The following BRINP3 variants were observed in gnomAD, a reference collection of about 807,000 sequenced individuals.
BRINP3 encodes BMP/retinoic acid inducible neural specific 3.
In BRINP3, 19 loss-of-function variants were observed where a neutral mutation model predicts 71.0. The observed-to-expected ratio is 0.27, with a 90% CI of 0.19 to 0.39. BRINP3 has a LOEUF of 0.39. BRINP3 is among the 10% of genes least tolerant of loss of function. The pLI is 1.00. For synonymous variants in BRINP3, 380 were observed against 337.7 expected (o/e 1.13, Z -1.37); for missense variants, 959 against 940.8 (o/e 1.02, Z -0.25).
chr1:190,167,906 T>C (rs1353284362), intron 6 of BRINP3, among the ~76,000 whole-genome samples: 1 of 152,058 alleles, frequency 6.6e-6, no homozygotes, highest in African/African-American at 2.4e-5. Context: ...AATGCATGGG[T>C]AAAAGGAATG....
chr1:190,248,661 T>C (rs545708221), intron 4 of BRINP3, among the ~76,000 whole-genome samples: 7 of 151,838 alleles, frequency 4.6e-5, no homozygotes, highest in Non-Finnish European at 8.8e-5. Flanking sequence ...ATGTCACATT[T>C]GTTATTATTT....
chr1:190,291,325 T>A (rs815161), intron 2 of BRINP3, among the ~76,000 whole-genome samples: 62,562 of 151,778 alleles, frequency 0.41, 13,607 homozygotes, highest in Non-Finnish European at 0.49. Flanking sequence ...CAAATGCATA[T>A]ATAGATGCAT....
intron 6 of BRINP3, among the ~76,000 whole-genome samples, chr1:190,210,566 T>C (rs981681391): frequency 6.6e-6 from 1 of 152,096 alleles, no homozygotes; most frequent in Non-Finnish European, 1.5e-5. Flanking sequence ...AAATATATAT[T>C]CTATCATCTT....
chr1:190,332,336 G>A (rs376289063), intron 2 of BRINP3, among the ~76,000 whole-genome samples: 1 of 152,156 alleles, frequency 6.6e-6, no homozygotes, highest in East Asian at 1.9e-4. Context: ...AAACTTGAGG[G>A]CTGTTGCCGA....
chr1:190,107,085 T>C (rs1365480579), intron 7 of BRINP3, among the ~76,000 whole-genome samples: 1 of 151,984 alleles, frequency 6.6e-6, no homozygotes, highest in Non-Finnish European at 1.5e-5. Flanking sequence ...TCTGAAAATC[T>C]TGAATGTAGT....
intron 1 of BRINP3, among the ~76,000 whole-genome samples, chr1:190,457,738 CAT>C (rs1408865316): frequency 6.6e-6 from 1 of 152,088 alleles, no homozygotes; most frequent in Non-Finnish European, 1.5e-5. Context: ...TGTACTCACA[CAT>C]GTGATTTTTG....
intron 2 of BRINP3, among the ~76,000 whole-genome samples, chr1:190,297,221 C>T (rs1295045720): frequency 2.0e-5 from 3 of 151,712 alleles, no homozygotes; most frequent in African/African-American, 7.3e-5. Flanking sequence ...ATAGAGAGGC[C>T]AGAATAAACC....
chr1:190,138,248 C>T (rs12032747), intron 7 of BRINP3, among the ~76,000 whole-genome samples: 21,606 of 152,132 alleles, frequency 0.14, 2,624 homozygotes, highest in African/African-American at 0.29. Flanking sequence ...GCCACCACAC[C>T]TGGCCAAGAC....
intron 2 of BRINP3, among the ~76,000 whole-genome samples, chr1:190,357,522 C>A (rs1051128224): frequency 6.6e-6 from 1 of 151,806 alleles, no homozygotes; most frequent in South Asian, 2.1e-4. Context: ...TTAATAATAT[C>A]CAAATACAAG....
At chr1:190,282,323 A>G (rs924272904) in intron 2 of BRINP3, among the ~76,000 whole-genome samples, 1 of 151,878 alleles carries the variant, frequency 6.6e-6, no homozygotes, top group Non-Finnish European at 1.5e-5. Flanking sequence ...CTCAAGATGC[A>G]AAGTGATTTT....
At chr1:190,296,388 T>C (rs548360936) in intron 2 of BRINP3, among the ~76,000 whole-genome samples, 43 of 152,072 alleles carry the variant, frequency 2.8e-4, no homozygotes, top group African/African-American at 1.0e-3. Flanking sequence ...TGATAAAAAC[T>C]CTCAACATAT....
intron 2 of BRINP3, among the ~76,000 whole-genome samples, chr1:190,286,346 C>A (rs1377145168): frequency 6.6e-6 from 1 of 152,078 alleles, no homozygotes; most frequent in African/African-American, 2.4e-5. Context: ...CACATAATTG[C>A]CACATTGCCA....
At chr1:190,300,994 A>G (rs1271637548) in intron 2 of BRINP3, among the ~76,000 whole-genome samples, 1 of 151,844 alleles carries the variant, frequency 6.6e-6, no homozygotes, top group Admixed American at 6.6e-5. Flanking sequence ...ACGGGAGGAC[A>G]TTCAAAGCAA....
At chr1:190,115,209 T>A (rs1338237850) in intron 7 of BRINP3, among the ~76,000 whole-genome samples, 1 of 152,184 alleles carries the variant, frequency 6.6e-6, no homozygotes, top group Admixed American at 6.5e-5. Flanking sequence ...GCATAGTTAG[T>A]AGGTACAAAT....
intron 7 of BRINP3, among the ~76,000 whole-genome samples, chr1:190,155,856 G>C (rs1656819173): frequency 6.6e-6 from 1 of 151,952 alleles, no homozygotes; most frequent in Non-Finnish European, 1.5e-5. Flanking sequence ...ATGATTCTAA[G>C]TTTCCTGCAG....
intron 7 of BRINP3, among the ~76,000 whole-genome samples, chr1:190,121,565 AC>A (rs1457760038): frequency 6.6e-6 from 1 of 152,198 alleles, no homozygotes; most frequent in African/African-American, 2.4e-5. Context: ...AAATATTATT[AC>A]CTTGGTTCTC....
chr1:190,439,265 T>C (rs1388842668), intron 2 of BRINP3, among the ~76,000 whole-genome samples: 1 of 151,990 alleles, frequency 6.6e-6, no homozygotes, highest in Non-Finnish European at 1.5e-5. Context: ...ATATGAATAG[T>C]AGAATAAAGG....
At chr1:190,446,117 A>G (rs1192977981) in intron 2 of BRINP3, among the ~76,000 whole-genome samples, 2 of 152,074 alleles carry the variant, frequency 1.3e-5, no homozygotes, top group South Asian at 2.1e-4. Flanking sequence ...TTATATTTCT[A>G]TATTATTTCT....
At chr1:190,458,961 C>G (rs1032259618) in intron 1 of BRINP3, among the ~76,000 whole-genome samples, 1 of 150,450 alleles carries the variant, frequency 6.6e-6, no homozygotes, top group Non-Finnish European at 1.5e-5. Flanking sequence ...ATGAAGAACA[C>G]AAAAAAACAA....
Sources: allele counts gnomAD v4.1 joint callset (sites outside exome capture counted in the v4.1 genomes callset), GRCh38; gene constraint gnomAD v4.1.1; transcripts MANE v1.5; gene names NCBI Gene and HGNC (gene_info 2026-07-23, HGNC 2026-07-21).